The following DENND1A variants were observed in gnomAD, a reference collection of about 807,000 sequenced individuals.
DENND1A encodes the protein DENN domain-containing protein 1A.
A neutral mutation model predicts 113.7 loss-of-function variants in DENND1A; 51 were observed. The ratio of observed to expected loss-of-function variants is 0.45; its 90% CI spans 0.36 to 0.57. The LOEUF (loss-of-function observed/expected upper bound fraction) is 0.57. DENND1A is among the 20% of genes least tolerant of loss of function. The pLI is 0.00. For synonymous variants in DENND1A, 565 were observed against 570.8 expected, an observed-to-expected ratio of 0.99 and a Z score of 0.14; for missense variants, 1,258 against 1,395.9, an observed-to-expected ratio of 0.90 and a Z score of 1.57.
intron 2 of DENND1A, among the ~76,000 whole-genome samples, chr9:123,802,259 C>A (rs1834800033): frequency 6.6e-6 from 1 of 152,182 alleles, no homozygotes; most frequent in Non-Finnish European, 1.5e-5. Flanking sequence ...TACCTCTCCG[C>A]CCACTGGCCT....
intron 3 of DENND1A, among the ~76,000 whole-genome samples, chr9:123,775,791 G>A (rs551886615): frequency 7.8e-4 from 119 of 152,230 alleles, no homozygotes; most frequent in Non-Finnish European, 8.7e-4. Context: ...GACATTACAC[G>A]GGAGGAGGCT....
At chr9:123,619,561 G>A (rs1213978482) in intron 10 of DENND1A, among the ~76,000 whole-genome samples, 1 of 152,002 alleles carries the variant, frequency 6.6e-6, no homozygotes, top group Non-Finnish European at 1.5e-5. Flanking sequence ...CTGGGACTAC[G>A]GGTACACACC....
At chr9:123,821,725 A>G (rs148558153) in intron 2 of DENND1A, among the ~76,000 whole-genome samples, 8 of 152,346 alleles carry the variant, frequency 5.3e-5, no homozygotes, top group Admixed American at 5.2e-4. Flanking sequence ...TTTATAATTC[A>G]TTGTTGTCTC....
At chr9:123,831,692 G>C (rs1840241890) in intron 2 of DENND1A, among the ~76,000 whole-genome samples, 2 of 152,180 alleles carry the variant, frequency 1.3e-5, no homozygotes, top group South Asian at 4.1e-4. Context: ...AATAAATAGT[G>C]CTATGCCTAC....
At chr9:123,444,371 A>G (rs968006221) in intron 18 of DENND1A, among the ~76,000 whole-genome samples, 5 of 152,250 alleles carry the variant, frequency 3.3e-5, no homozygotes, top group African/African-American at 1.2e-4. Flanking sequence ...AGTCATTTAA[A>G]ATAATGACAT....
At chr9:123,897,271 T>C (rs1346389007) in intron 1 of DENND1A, among the ~76,000 whole-genome samples, 3 of 152,202 alleles carry the variant, frequency 2.0e-5, no homozygotes, top group Admixed American at 6.5e-5. Flanking sequence ...AGTTTGTTCC[T>C]CCATTATCAC....
chr9:123,518,405 A>T (rs73577333), intron 13 of DENND1A, among the ~76,000 whole-genome samples: 1,633 of 152,250 alleles, frequency 0.011, 39 homozygotes, highest in African/African-American at 0.038. Context: ...GCAGTTCTCA[A>T]AATATCACCC....
chr9:123,697,818 T>C (rs544568459), intron 5 of DENND1A, among the ~76,000 whole-genome samples: 9 of 152,328 alleles, frequency 5.9e-5, no homozygotes, highest in African/African-American at 2.2e-4. Context: ...CTGCTGTGCT[T>C]TTTTGTTTTT....
At chr9:123,900,873 G>C (rs988357276) in intron 1 of DENND1A, among the ~76,000 whole-genome samples, 1 of 152,152 alleles carries the variant, frequency 6.6e-6, no homozygotes, top group African/African-American at 2.4e-5. Flanking sequence ...GTAAAATGGG[G>C]ATCTAACAGT....
At chr9:123,886,109 T>G (rs1849039304) in intron 1 of DENND1A, among the ~76,000 whole-genome samples, 1 of 151,980 alleles carries the variant, frequency 6.6e-6, no homozygotes. Flanking sequence ...TTAAGTACAC[T>G]CAGCTTGAAG....
intron 5 of DENND1A, among the ~76,000 whole-genome samples, chr9:123,743,674 G>A (rs1336759277): frequency 2.6e-5 from 4 of 151,628 alleles, no homozygotes. Flanking sequence ...AGAGGTTGCA[G>A]TGAGCTGAGA....
In DENND1A at chr9:123,924,527, T is replaced by A. The variant is rs887496300; in HGVS notation, c.17+5362A>T. 2.0e-5 allele frequency among the ~76,000 whole-genome samples: 3 copies of A among 151,936 alleles called. No homozygotes were observed. The East Asian group carries it at 5.8e-4, about 29-fold the overall frequency. On this transcript the variant is annotated intron_variant, in intron 1 of 23. Transcript: ENST00000394215. ...CTAGTCAGGCATGGTGGCGGGCACC[T>A]GCAGTCCCAGCTACTTGGGAGGCTG... is the stretch of plus-strand genomic sequence containing the variant.
At chr9:123,878,077 C>T (rs556992774) in intron 2 of DENND1A, among the ~76,000 whole-genome samples, 1 of 151,930 alleles carries the variant, frequency 6.6e-6, no homozygotes, top group African/African-American at 2.4e-5. Context: ...GTGGCACATG[C>T]CTATAATCCC....
At chr9:123,485,654 G>GCACACACACA (rs1554837452) in intron 13 of DENND1A, 2 of 44,170 alleles carry the variant, frequency 4.5e-5, no homozygotes, top group Non-Finnish European at 1.2e-4. Context: ...ACGCGCGCGC[G>GCACACACACA]CGCACACACA....
chr9:123,387,150 G>A (rs2042607997), intron 22 of DENND1A, among the ~76,000 whole-genome samples: 1 of 152,160 alleles, frequency 6.6e-6, no homozygotes, highest in Non-Finnish European at 1.5e-5. Context: ...AAGGAAGGAG[G>A]GCGACAGCAG....
intron 13 of DENND1A, among the ~76,000 whole-genome samples, chr9:123,531,993 A>T (rs2055360663): frequency 6.6e-6 from 1 of 152,178 alleles, no homozygotes; most frequent in African/African-American, 2.4e-5. Flanking sequence ...AATGGAGGTA[A>T]TTGGCAAATA....
chr9:123,902,520 C>T (rs1851844089), intron 1 of DENND1A, among the ~76,000 whole-genome samples: 2 of 152,100 alleles, frequency 1.3e-5, no homozygotes, highest in African/African-American at 4.8e-5. Flanking sequence ...AAGAACAGTG[C>T]CCATGGTAAC....
chr9:123,827,392 A>AATATATATATATATATATATATATAT (rs56805562), intron 2 of DENND1A, among the ~76,000 whole-genome samples: 5 of 140,786 alleles, frequency 3.6e-5, no homozygotes, highest in African/African-American at 1.3e-4. Flanking sequence ...ATGGATATAT[A>AATATATATATATATATATATATATAT]ATATATATAT....
At chr9:123,449,327 G>C (rs1206862957) in intron 18 of DENND1A, among the ~76,000 whole-genome samples, 2 of 152,168 alleles carry the variant, frequency 1.3e-5, no homozygotes, top group African/African-American at 2.4e-5. Flanking sequence ...ACGAGGTCAG[G>C]AGATCGAGAC....
Sources: gnomAD v4.1 joint callset for allele counts (sites outside exome capture counted in the v4.1 genomes callset) on GRCh38, gnomAD v4.1.1 for gene constraint, MANE v1.5 for transcripts, NCBI Gene and HGNC (gene_info 2026-07-23, HGNC 2026-07-21) for gene names.